The following PKHD1L1 variants were observed in gnomAD, a reference collection of about 807,000 sequenced individuals.
PKHD1L1 encodes PKHD1 like 1, also known as fibrocystin-L.
A neutral mutation model predicts 462.9 loss-of-function variants in PKHD1L1; 434 were observed. The observed-to-expected ratio is 0.94, with a 90% confidence interval of 0.87 to 1.02. The LOEUF (loss-of-function observed/expected upper bound fraction) is 1.02, where lower values mean the gene tolerates loss of function less well. Among genes scored for constraint, PKHD1L1 ranks in the 50% least tolerant of loss-of-function variants. The pLI is 0.00. For missense variants in PKHD1L1, 5,202 were observed against 5,096.1 expected (o/e 1.02, Z -0.63); for synonymous variants, 1,781 against 1,750.0 (o/e 1.02, Z -0.44).
intron 23 of PKHD1L1, among the ~76,000 whole-genome samples, chr8:109,424,589 A>G (rs918861053): frequency 6.6e-5 from 10 of 152,162 alleles, no homozygotes; most frequent in Admixed American, 2.6e-4. Flanking sequence ...ATTGATTAGC[A>G]CTGAACATTA....
rs1395737152 is a variant in PKHD1L1 at position 109,409,869 on chromosome 8, A to G, written c.1976A>G (p.Gln659Arg). Residue 659 changes from glutamine to arginine, a missense_variant, in exon 19 of 78, where the codon CAG becomes CGG. Physicochemically the swap from Gln to Arg is conservative, Grantham distance 43 (BLOSUM62 1). This residue lies in a region of PKHD1L1 where 4,497 missense variants were observed against 4,336.8 expected (regional missense o/e 1.04). Transcript: ENST00000378402. ...LTLWSSEAEF[Q>R]GAVEEMVSTK... is the part of the protein sequence containing the mutation. ...ATGTTTATATTGTTAATTTAGTTTCAGGGAGCAGTGGAAGAAATGGTTAGC... is the reference window on the plus strand; with the variant it reads ...ATGTTTATATTGTTAATTTAGTTTCGGGGAGCAGTGGAAGAAATGGTTAGC... The G allele has an allele frequency of 2.5e-6, 4 of 1,570,176 alleles. No individual in the cohort carries two copies. Among genetic ancestry groups the G allele is most frequent in the Non-Finnish European group, 3.5e-6 (4 of 1,156,786 alleles).
At chr8:109,503,125 G>A (rs1050314693) in intron 67 of PKHD1L1, among the ~76,000 whole-genome samples, 1 of 152,082 alleles carries the variant, frequency 6.6e-6, no homozygotes, top group Non-Finnish European at 1.5e-5. Flanking sequence ...GCCCAACATG[G>A]TGAAACCCTA....
intron 67 of PKHD1L1, among the ~76,000 whole-genome samples, chr8:109,503,850 T>C (rs953964074): frequency 6.6e-6 from 1 of 152,208 alleles, no homozygotes; most frequent in Admixed American, 6.5e-5. Context: ...GTTTACAGGA[T>C]GGCTATGGGC....
intron 2 of PKHD1L1, among the ~76,000 whole-genome samples, chr8:109,365,931 G>A (rs1348576947): frequency 1.3e-5 from 2 of 152,072 alleles, no homozygotes; most frequent in African/African-American, 4.8e-5. Context: ...CCGAGATCGC[G>A]CCACTGTACT....
intron 24 of PKHD1L1, among the ~76,000 whole-genome samples, chr8:109,426,520 TA>T (rs1814757922): frequency 6.6e-6 from 1 of 152,086 alleles, no homozygotes; most frequent in African/African-American, 2.4e-5. Context: ...AGGAAATATA[TA>T]AATTCTTGGC....
At chr8:109,363,872 C>T (rs1410393508) in intron 1 of PKHD1L1, among the ~76,000 whole-genome samples, 1 of 152,140 alleles carries the variant, frequency 6.6e-6, no homozygotes, top group African/African-American at 2.4e-5. Context: ...GCACCCGTGG[C>T]CTCTATGCTC....
chr8:109,477,441 A>G, intron 53 of PKHD1L1, 45 bp downstream of exon 53: 1 of 1,501,512 alleles, frequency 6.7e-7, no homozygotes, highest in South Asian at 1.2e-5. Flanking sequence ...ATCTCTTAAC[A>G]TAATCCTTTT....
Position 109,398,514 on chromosome 8 carries a change from C to T in PKHD1L1, c.978C>T (p.Pro326=). 1 of 1,574,234 alleles carries T rather than the reference C, an allele frequency of 6.4e-7. No homozygotes were observed. ...AAAATAGTATATGTTGCAAGACACCCCCCAAACCTCATATTCTCAAAACTG... is the reference window on the plus strand; with the variant it reads ...AAAATAGTATATGTTGCAAGACACCTCCCAAACCTCATATTCTCAAAACTG... ...VTENSICCKT[P]PKPHILKTVY... Residue 326 remains proline (P), a synonymous_variant, in exon 12 of 78, where the codon CCC becomes CCT. Coordinates refer to ENST00000378402, the MANE Select transcript of PKHD1L1 (RefSeq NM_177531.6).
rs775985832 is a variant in PKHD1L1 at position 109,534,259 on chromosome 8, G to A, written c.*4169G>A. On this transcript the variant is annotated 3_prime_UTR_variant, in exon 78 of 78. Transcript: ENST00000378402. ...AGGCGGATCACGAGGTCAGGAGATC[G>A]AGACTATCCTGGCTAACACAGTGAA... is the stretch of plus-strand genomic sequence containing the variant. Among the ~76,000 whole-genome samples the A allele has an allele frequency of 2.0e-5, 3 of 152,194 alleles. No homozygotes were observed. Among genetic ancestry groups the A allele is most frequent in the South Asian group, 2.1e-4 (1 of 4,832 alleles).
At chr8:109,442,229 C>T in intron 35 of PKHD1L1, 34 bp downstream of exon 35, 1 of 1,548,692 alleles carries the variant, frequency 6.5e-7, no homozygotes, top group Non-Finnish European at 8.7e-7. Context: ...TGCATCATGT[C>T]ACTTTTTCCT....
intron 5 of PKHD1L1, 33 bp from the exon 6 acceptor site, chr8:109,385,504 C>T: frequency 7.1e-7 from 1 of 1,416,824 alleles, no homozygotes; most frequent in Non-Finnish European, 9.8e-7. Context: ...TTTTCTTACA[C>T]AGAATCTTTT....
At chr8:109,367,769 C>T (rs955952456) in intron 2 of PKHD1L1, among the ~76,000 whole-genome samples, 7 of 152,108 alleles carry the variant, frequency 4.6e-5, no homozygotes, top group African/African-American at 1.7e-4. Context: ...AGCATGATGG[C>T]CTGCCTGCCT....
At chr8:109,502,514 A>G (rs1161047274) in intron 67 of PKHD1L1, among the ~76,000 whole-genome samples, 1 of 151,958 alleles carries the variant, frequency 6.6e-6, no homozygotes, top group East Asian at 1.9e-4. Context: ...CAACTAACTT[A>G]GCATCGCACT....
At chr8:109,444,126 A>C (rs1815982338) in intron 37 of PKHD1L1, among the ~76,000 whole-genome samples, 1 of 150,918 alleles carries the variant, frequency 6.6e-6, no homozygotes, top group Non-Finnish European at 1.5e-5. Flanking sequence ...CCCCCCCCCA[A>C]AAAAAACCCT....
Position 109,364,636 on chromosome 8 carries a change from G to T in PKHD1L1, c.163G>T (p.Gly55Cys). The T allele has an allele frequency of 1.4e-6, 2 of 1,458,508 alleles. No homozygotes were observed. Among genetic ancestry groups the T allele is most frequent in the South Asian group, 1.3e-5 (1 of 77,744 alleles). 90.3% of individuals were successfully genotyped at this position (1,458,508 alleles called of 1,614,324 possible). A position where few individuals can be genotyped will look rare whatever the true frequency, so the allele number is the denominator to read the frequency against. The change falls in exon 2 of 78, where the codon GGT (glycine) becomes TGT (cysteine). Residue 55 changes from glycine (G) to cysteine (C), a missense_variant and splice_region_variant. Coordinates refer to ENST00000378402, the MANE Select transcript of PKHD1L1 (RefSeq NM_177531.6). ...GATRLTIRGE[G>C]FSQANQFNYG... ...AACAAGGCTGACTATAAGAGGGGAA[G>T]GTATCGTTGCTTTTTTTTTTTTTTT...
intron 1 of PKHD1L1, 60 bp downstream of exon 1, chr8:109,362,713 G>A: frequency 6.5e-7 from 1 of 1,527,400 alleles, no homozygotes; most frequent in Non-Finnish European, 8.9e-7. Flanking sequence ...CACTACCCCT[G>A]CTCCCGGGGT....
In PKHD1L1 at chr8:109,536,480, T is replaced by C. The variant is rs151123655; in HGVS notation, c.*6390T>C. 1.1e-3 allele frequency among the ~76,000 whole-genome samples: 171 copies of C among 152,296 alleles called. No homozygotes were observed. Among genetic ancestry groups the C allele is most frequent in the African/African-American group, 4.0e-3 (165 of 41,558 alleles). ...GTTGGTTGTATGAATTTCAATACAT[T>C]TACTGTTAGAAATAACAAAAGGTCT... is the stretch of plus-strand genomic sequence containing the variant. On this transcript the variant is annotated 3_prime_UTR_variant, in exon 78 of 78. Coordinates refer to ENST00000378402, the MANE Select transcript of PKHD1L1 (RefSeq NM_177531.6).
chr8:109,384,929 T>C (rs1024566832), intron 5 of PKHD1L1, among the ~76,000 whole-genome samples: 2 of 152,160 alleles, frequency 1.3e-5, no homozygotes, highest in Admixed American at 1.3e-4. Flanking sequence ...TCTTTATATA[T>C]CCTTAAAAAA....
rs1160885553 is a variant in PKHD1L1 at position 109,532,361 on chromosome 8, C to G, written c.*2271C>G. On this transcript the variant is annotated 3_prime_UTR_variant, in exon 78 of 78. Coordinates refer to ENST00000378402, the MANE Select transcript of PKHD1L1 (RefSeq NM_177531.6). Reference sequence around the variant, plus strand: ...TTCCAGATAAATTACAATTTAATTACTACTTTTAAAAATGCTTGAATTATT... The same window carrying G: ...TTCCAGATAAATTACAATTTAATTAGTACTTTTAAAAATGCTTGAATTATT... Among the ~76,000 whole-genome samples, 2 of 152,108 alleles carry G rather than the reference C, an allele frequency of 1.3e-5. No individual in the cohort carries two copies. Among genetic ancestry groups the G allele is most frequent in the Non-Finnish European group, 2.9e-5 (2 of 68,004 alleles).
Sources: allele counts gnomAD v4.1 joint callset (sites outside exome capture counted in the v4.1 genomes callset), GRCh38; gene constraint gnomAD v4.1.1; regional missense constraint gnomAD v4.1.1; transcripts MANE v1.5; gene names NCBI Gene and HGNC (gene_info 2026-07-23, HGNC 2026-07-21).